CTNNA3: variants seen among roughly 807,000 people sequenced by gnomAD.
The protein encoded by CTNNA3 is catenin alpha-3.
A neutral mutation model predicts 95.7 loss-of-function variants in CTNNA3; 76 were observed. That is an observed-to-expected ratio of 0.79 (90% CI 0.66 to 0.96). The LOEUF (loss-of-function observed/expected upper bound fraction) is 0.96, where lower values mean the gene tolerates loss of function less well. CTNNA3 is among the 40% of genes least tolerant of loss of function. CTNNA3 has a pLI of 0.00. For synonymous variants in CTNNA3, 431 were observed against 374.4 expected (o/e 1.15, Z -1.74); for missense variants, 1,191 against 1,089.8 (o/e 1.09, Z -1.31).
chr10:66,000,101 T>A (rs1480249699), intron 15 of CTNNA3, among the ~76,000 whole-genome samples: 1 of 152,150 alleles, frequency 6.6e-6, no homozygotes, highest in African/African-American at 2.4e-5. Flanking sequence ...AAGATAATTT[T>A]AAAACATTAT....
At chr10:67,193,457 C>A (rs541378004) in intron 6 of CTNNA3, among the ~76,000 whole-genome samples, 4 of 151,962 alleles carry the variant, frequency 2.6e-5, no homozygotes, top group African/African-American at 4.8e-5. Context: ...AGGTATTAAG[C>A]CTAATACTCA....
At chr10:66,766,743 T>A (rs766508614) in intron 8 of CTNNA3, among the ~76,000 whole-genome samples, 12 of 152,250 alleles carry the variant, frequency 7.9e-5, no homozygotes, top group African/African-American at 2.9e-4. Flanking sequence ...TATGAGTGTG[T>A]ACACATAATA....
At chr10:67,726,445 T>TATATTATATATAATATATAA (rs1356962536) in intron 1 of CTNNA3, among the ~76,000 whole-genome samples, 13 of 20,104 alleles carry the variant, frequency 6.5e-4, no homozygotes, top group Non-Finnish European at 1.8e-3. Flanking sequence ...ATATAATATA[T>TATATTATATATAATATATAA]AATATTATAT....
Position 66,562,613 on chromosome 10 carries a change from A to G in CTNNA3, c.1375-41840T>C, listed in dbSNP as rs189063521. Reference sequence around the variant, plus strand: ...AAGACTACATTAAGTGATGTCAGGTAGATAAGAGCCTTGCCCAGTGGTCTG... The same window carrying G: ...AAGACTACATTAAGTGATGTCAGGTGGATAAGAGCCTTGCCCAGTGGTCTG... On this transcript the variant is annotated intron_variant, in intron 10 of 17. Coordinates refer to ENST00000433211, the MANE Select transcript of CTNNA3 (RefSeq NM_013266.4). Among the ~76,000 whole-genome samples, 114 of 152,260 alleles carry G rather than the reference A, an allele frequency of 7.5e-4. 1 individual carries two copies. The highest frequency in any genetic ancestry group is 2.7e-3 in the African/African-American group (111 of 41,564).
chr10:65,962,861 C>T lies in CTNNA3; in HGVS notation c.2400+3751G>A, dbSNP rs538016006. ...TGAGAATGATGGTTTCCAGCTTCATCCATGTCCCAGCAAAGGACATTAACT... is the reference window on the plus strand; with the variant it reads ...TGAGAATGATGGTTTCCAGCTTCATTCATGTCCCAGCAAAGGACATTAACT... On this transcript the variant is annotated intron_variant, in intron 17 of 17. Transcript: ENST00000433211. Among the ~76,000 whole-genome samples, 256 of 152,270 alleles carry T rather than the reference C, an allele frequency of 1.7e-3. 1 individual carries two copies. The highest frequency in any genetic ancestry group is 5.9e-3 in the African/African-American group (247 of 41,556).
At chr10:66,858,675 C>A (rs1843779307) in intron 7 of CTNNA3, among the ~76,000 whole-genome samples, 2 of 151,934 alleles carry the variant, frequency 1.3e-5, no homozygotes, top group South Asian at 4.1e-4. Flanking sequence ...TCTAGGTTTT[C>A]TAGCTTGTGT....
chr10:67,008,849 T>G (rs1852161323), intron 7 of CTNNA3, among the ~76,000 whole-genome samples: 1 of 152,184 alleles, frequency 6.6e-6, no homozygotes, highest in African/African-American at 2.4e-5. Context: ...TGTTTTTCAG[T>G]GTTTTCTTGT....
rs187017620 is a variant in CTNNA3 at position 66,485,757 on chromosome 10, G to A, written c.1531+34860C>T. 1.1e-4 allele frequency among the ~76,000 whole-genome samples: 17 copies of A among 152,054 alleles called. No individual in the cohort carries two copies. The East Asian group carries it at 1.7e-3, about 16-fold the overall frequency. ...GAAAAAGCAATCCTAAAATTGACAC[G>A]GATCCACAAAAGACCATGAATAGCC... On this transcript the variant is annotated intron_variant, in intron 11 of 17. Transcript: ENST00000433211.
At chr10:67,681,093 T>C (rs1840617449) in intron 1 of CTNNA3, among the ~76,000 whole-genome samples, 1 of 152,240 alleles carries the variant, frequency 6.6e-6, no homozygotes, top group African/African-American at 2.4e-5. Flanking sequence ...TAAAAAGTGA[T>C]GTATAGGCAA....
intron 5 of CTNNA3, among the ~76,000 whole-genome samples, chr10:67,424,017 A>G (rs369751596): frequency 2.0e-5 from 3 of 152,294 alleles, no homozygotes; most frequent in South Asian, 4.1e-4. Context: ...TAGTCAGGAA[A>G]AAGAATCAAT....
Position 66,655,720 on chromosome 10 carries a change from C to T in CTNNA3, c.1282-33936G>A, listed in dbSNP as rs1047030230. Among the ~76,000 whole-genome samples the T allele has an allele frequency of 5.7e-4, 86 of 152,000 alleles. 1 individual carries two copies. The highest frequency in any genetic ancestry group is 1.9e-3 in the African/African-American group (77 of 41,488). Reference sequence around the variant, plus strand: ...GGATTTTAGGTTTGAGAGGGTGAAGCGGGTGAAAGCACTGCAGAGACACTG... The same window carrying T: ...GGATTTTAGGTTTGAGAGGGTGAAGTGGGTGAAAGCACTGCAGAGACACTG... On this transcript the variant is annotated intron_variant, in intron 9 of 17. Coordinates refer to ENST00000433211, the MANE Select transcript of CTNNA3 (RefSeq NM_013266.4).
chr10:66,931,767 G>GAATT (rs1190635259), intron 7 of CTNNA3, among the ~76,000 whole-genome samples: 1 of 152,152 alleles, frequency 6.6e-6, no homozygotes, highest in Non-Finnish European at 1.5e-5. Context: ...AGAGGCCATA[G>GAATT]AATTGGTACT....
intron 11 of CTNNA3, among the ~76,000 whole-genome samples, chr10:66,413,635 T>C (rs1465553284): frequency 1.3e-5 from 2 of 152,180 alleles, no homozygotes; most frequent in African/African-American, 4.8e-5. Context: ...TGTGTCTTAA[T>C]ACCACTAATG....
intron 11 of CTNNA3, among the ~76,000 whole-genome samples, chr10:66,411,252 C>A (rs2093103023): frequency 6.9e-6 from 1 of 145,578 alleles, no homozygotes; most frequent in Admixed American, 6.7e-5. Flanking sequence ...AAGTATAGAC[C>A]AGAATATTAA....
intron 7 of CTNNA3, among the ~76,000 whole-genome samples, chr10:66,968,190 C>T (rs986505354): frequency 6.6e-6 from 1 of 151,934 alleles, no homozygotes; most frequent in South Asian, 2.1e-4. Flanking sequence ...CCATCTCTAC[C>T]ATCATCAAAT....
chr10:66,331,352 T>C (rs1341941670), intron 12 of CTNNA3, among the ~76,000 whole-genome samples: 1,262 of 121,854 alleles, frequency 0.01, 56 homozygotes, highest in Non-Finnish European at 0.014. Context: ...GTTTTTTTTT[T>C]TTTTTTTTTT....
chr10:65,952,939 A>G (rs534355644), intron 17 of CTNNA3, among the ~76,000 whole-genome samples: 2 of 152,354 alleles, frequency 1.3e-5, no homozygotes, highest in South Asian at 4.1e-4. Flanking sequence ...AAAGAAATCC[A>G]CAGAACAGAG....
chr10:66,261,352 G>A (rs2090992783), intron 13 of CTNNA3, among the ~76,000 whole-genome samples: 1 of 151,984 alleles, frequency 6.6e-6, no homozygotes, highest in Non-Finnish European at 1.5e-5. Context: ...CAAGCTACTT[G>A]TCACTTGTCT....
intron 5 of CTNNA3, among the ~76,000 whole-genome samples, chr10:67,443,065 A>G (rs1846591906): frequency 6.7e-6 from 1 of 148,992 alleles, no homozygotes; most frequent in Non-Finnish European, 1.5e-5. Flanking sequence ...TCATCCTTGC[A>G]ATAGTTTACT....
Sources: allele counts gnomAD v4.1 joint callset (sites outside exome capture counted in the v4.1 genomes callset), GRCh38; gene constraint gnomAD v4.1.1; transcripts MANE v1.5; gene names NCBI Gene and HGNC (gene_info 2026-07-23, HGNC 2026-07-21).